Variants in COL27A1 observed in about 807,000 individuals in gnomAD.
COL27A1 encodes the protein collagen alpha-1(XXVII) chain.
Under a neutral mutation model 251.3 loss-of-function variants are expected in COL27A1, and 106 were observed. The ratio of observed to expected loss-of-function variants is 0.42; its 90% CI spans 0.36 to 0.50. The LOEUF is 0.50. COL27A1 is among the 20% of genes least tolerant of loss of function. The probability of loss-of-function intolerance (pLI) is 0.00; values close to 1 mark genes in which losing one functional copy is unlikely to be tolerated. For synonymous variants in COL27A1, 1,000 were observed against 986.3 expected, an observed-to-expected ratio of 1.01 and a Z score of -0.26; for missense variants, 2,325 against 2,522.8, an observed-to-expected ratio of 0.92 and a Z score of 1.68.
intron 3 of COL27A1, among the ~76,000 whole-genome samples, chr9:114,175,438 C>G (rs950568540): frequency 6.6e-6 from 1 of 152,236 alleles, no homozygotes; most frequent in Non-Finnish European, 1.5e-5. Flanking sequence ...AGGGGGCACC[C>G]GTGCTCGCCA....
intron 3 of COL27A1, among the ~76,000 whole-genome samples, chr9:114,175,567 C>G (rs1383734626): frequency 6.6e-6 from 1 of 152,184 alleles, no homozygotes; most frequent in Non-Finnish European, 1.5e-5. Flanking sequence ...AAGCTGGGGC[C>G]GCCCCGTCAA....
intron 36 of COL27A1, 114 bp downstream of exon 36, chr9:114,270,895 G>A: frequency 1.2e-6 from 1 of 818,318 alleles, no homozygotes. Flanking sequence ...TGAGATGACA[G>A]CTCCAGCTCC....
intron 49 of COL27A1, among the ~76,000 whole-genome samples, chr9:114,297,486 AGT>A (rs1828333114): frequency 6.6e-6 from 1 of 152,262 alleles, no homozygotes; most frequent in Non-Finnish European, 1.5e-5. Flanking sequence ...ACCATGACAA[AGT>A]GAGATTTATC....
chr9:114,215,566 A>T (rs1469415523), intron 12 of COL27A1, among the ~76,000 whole-genome samples: 3 of 152,150 alleles, frequency 2.0e-5, no homozygotes, highest in Non-Finnish European at 4.4e-5. Flanking sequence ...CACGAGAGAA[A>T]GGGGCTGGGA....
intron 13 of COL27A1, 78 bp from the exon 14 acceptor site, chr9:114,222,145 G>A: frequency 1.6e-6 from 2 of 1,260,074 alleles, no homozygotes; most frequent in East Asian, 2.3e-5. Context: ...CCAGGTGCCT[G>A]TGTGGAGGAT....
intron 12 of COL27A1, among the ~76,000 whole-genome samples, chr9:114,215,515 C>G (rs1415332221): frequency 6.6e-6 from 1 of 152,066 alleles, no homozygotes; most frequent in African/African-American, 2.4e-5. Flanking sequence ...AGTAGATTTC[C>G]TAGTGGATTT....
At position 114,155,950 on chromosome 9, in the gene COL27A1, C is replaced by T; in HGVS notation, c.-1C>T. 7.9e-7 allele frequency: 1 copy of T among 1,272,764 alleles called. No individual in the cohort carries two copies. The allele number at this position is 1,272,764 out of a possible 1,614,324, so 78.8% of individuals were successfully genotyped here. ...TCGGGAGCATGAAGTAGGGGCCTGC[C>T]ATGGGAGCGGGATCGGCGCGGGGGG... On this transcript the variant is annotated 5_prime_UTR_variant, in exon 1 of 61. Transcript: ENST00000356083. This position sits in a 1 kb window ranked among gnomAD's most constrained non-coding sequence, Gnocchi z 5.5.
At chr9:114,283,680 A>G in intron 39 of COL27A1, 29 bp from the exon 40 acceptor site, 1 of 1,608,100 alleles carries the variant, frequency 6.2e-7, no homozygotes, top group Non-Finnish European at 8.5e-7. Flanking sequence ...GCCACACTCC[A>G]TACCAACGAG....
chr9:114,281,796 C>A (rs1429409262), intron 37 of COL27A1, among the ~76,000 whole-genome samples: 1 of 152,120 alleles, frequency 6.6e-6, no homozygotes, highest in African/African-American at 2.4e-5. Context: ...GGACCCTGGG[C>A]AAAAGTCACT....
At chr9:114,278,602 G>GTGA (rs911591633) in intron 37 of COL27A1, among the ~76,000 whole-genome samples, 2 of 149,480 alleles carry the variant, frequency 1.3e-5, no homozygotes, top group East Asian at 4.1e-4. Flanking sequence ...GGTGGGAGTG[G>GTGA]TGATGATGAT....
At chr9:114,266,466 C>T (rs1035208078) in intron 32 of COL27A1, 99 bp from the exon 33 acceptor site, 2 of 991,160 alleles carry the variant, frequency 2.0e-6, no homozygotes, top group East Asian at 2.4e-5. Flanking sequence ...CTTCAGAGTC[C>T]CCAGTTCTGG....
At chr9:114,187,953 GC>G (rs1325449180) in intron 5 of COL27A1, among the ~76,000 whole-genome samples, 7 of 152,246 alleles carry the variant, frequency 4.6e-5, no homozygotes, top group African/African-American at 1.7e-4. Context: ...GAGTCAGTGT[GC>G]CCAAGTTTGA....
At chr9:114,255,514 G>A (rs139609066) in intron 27 of COL27A1, among the ~76,000 whole-genome samples, 4 of 152,296 alleles carry the variant, frequency 2.6e-5, no homozygotes, top group African/African-American at 7.2e-5. Context: ...GAAGGCCAGC[G>A]GGAGATGGGG....
At chr9:114,158,140 C>G (rs1008553790) in intron 1 of COL27A1, among the ~76,000 whole-genome samples, 2 of 152,178 alleles carry the variant, frequency 1.3e-5, no homozygotes, top group Non-Finnish European at 2.9e-5. Context: ...GACAGGTCCA[C>G]CCCACTTGAT....
chr9:114,172,531 C>T (rs1012505710), intron 3 of COL27A1, among the ~76,000 whole-genome samples: 4 of 152,144 alleles, frequency 2.6e-5, no homozygotes, highest in East Asian at 1.9e-4. Flanking sequence ...AGAGGCTGGG[C>T]GTGGTGGCTC....
chr9:114,237,575 C>A, intron 18 of COL27A1, 87 bp from the exon 19 acceptor site: 1 of 1,120,444 alleles, frequency 8.9e-7, no homozygotes, highest in Non-Finnish European at 1.4e-6. Context: ...AACTTTCCAA[C>A]CATCCACAAC....
intron 26 of COL27A1, 104 bp from the exon 27 acceptor site, chr9:114,252,775 G>C: frequency 3.5e-6 from 5 of 1,410,842 alleles, no homozygotes; most frequent in Non-Finnish European, 4.0e-6. Flanking sequence ...AGGGGGCCTA[G>C]CTGCTGTCCT....
rs539372927 is a variant in COL27A1 at position 114,293,489 on chromosome 9, A to C, written c.4584+1279A>C. Among the ~76,000 whole-genome samples the C allele has an allele frequency of 2.6e-5, 4 of 152,134 alleles. No individual in the cohort carries two copies. In the East Asian group the frequency reaches 7.7e-4, roughly 29 times the overall value. On this transcript the variant is annotated intron_variant, in intron 49 of 60. Coordinates refer to ENST00000356083, the MANE Select transcript of COL27A1 (RefSeq NM_032888.4). ...TTAAGAAACTGGGGGTTGGGGCTGG[A>C]GAAGGCAAATTTAAAACAAAGTGAG... is the stretch of plus-strand genomic sequence containing the variant.
chr9:114,244,573 C>A (rs1832983024), intron 23 of COL27A1, among the ~76,000 whole-genome samples: 1 of 152,122 alleles, frequency 6.6e-6, no homozygotes, highest in African/African-American at 2.4e-5. Flanking sequence ...AGGACAGAGC[C>A]AGGGGGAGCG....
Sources: gnomAD v4.1 joint callset for allele counts (sites outside exome capture counted in the v4.1 genomes callset) on GRCh38, gnomAD v4.1.1 for gene constraint, Gnocchi (gnomAD v3.1) non-coding constraint, MANE v1.5 for transcripts, NCBI Gene and HGNC (gene_info 2026-07-23, HGNC 2026-07-21) for gene names.